The following KIRREL3 variants were observed in gnomAD, a reference collection of about 807,000 sequenced individuals.
KIRREL3 encodes kirre like nephrin family adhesion molecule 3.
In KIRREL3, 36 loss-of-function variants were observed where a neutral mutation model predicts 89.7. The ratio of observed to expected loss-of-function variants is 0.40; its 90% CI spans 0.31 to 0.53. KIRREL3 has a LOEUF of 0.53. Ranked by LOEUF, KIRREL3 falls within the 20% of genes least tolerant of loss-of-function variation. The pLI is 0.49. For synonymous variants in KIRREL3, 445 were observed against 441.4 expected, an observed-to-expected ratio of 1.01 and a Z score of -0.10; for missense variants, 864 against 1,056.6, an observed-to-expected ratio of 0.82 and a Z score of 2.53.
chr11:126,815,770 C>G (rs1241539356), intron 1 of KIRREL3, among the ~76,000 whole-genome samples: 1 of 152,112 alleles, frequency 6.6e-6, no homozygotes, highest in Non-Finnish European at 1.5e-5. Context: ...CTCCTGACCT[C>G]GTGATCTGCC....
At chr11:126,577,046 G>A (rs1941289886) in intron 1 of KIRREL3, among the ~76,000 whole-genome samples, 1 of 152,184 alleles carries the variant, frequency 6.6e-6, no homozygotes, top group Admixed American at 6.5e-5. Context: ...CTCAACCTCT[G>A]GGTGGGGGAT....
rs74948540 is a variant in KIRREL3 at position 126,947,323 on chromosome 11, T to C, written c.55+53132A>G. 5.1e-3 allele frequency among the ~76,000 whole-genome samples: 782 copies of C among 152,302 alleles called. 9 individuals carry two copies. Among genetic ancestry groups the C allele is most frequent in the African/African-American group, 0.018 (756 of 41,568 alleles). ...ACCTCTCCTATAACTCTGCAAAAGA[T>C]CTGTGAATTGGCTAAGCTGAAGGAC... On this transcript the variant is annotated intron_variant, in intron 1 of 16. Coordinates refer to ENST00000525144, the MANE Select transcript of KIRREL3 (RefSeq NM_032531.4).
chr11:126,889,473 A>G (rs562279132), intron 1 of KIRREL3, among the ~76,000 whole-genome samples: 21 of 152,266 alleles, frequency 1.4e-4, no homozygotes, highest in East Asian at 5.8e-4. Context: ...TTGATGTCCA[A>G]TGATTTTTTA....
At chr11:126,836,807 C>A (rs893447636) in intron 1 of KIRREL3, among the ~76,000 whole-genome samples, 1 of 152,196 alleles carries the variant, frequency 6.6e-6, no homozygotes, top group African/African-American at 2.4e-5. Context: ...CTCCAGGAAG[C>A]TTTCCCTGAA....
At chr11:126,857,782 T>TGTG (rs11283324) in intron 1 of KIRREL3, among the ~76,000 whole-genome samples, 28 of 120,034 alleles carry the variant, frequency 2.3e-4, no homozygotes, top group Non-Finnish European at 3.3e-4. Context: ...CTTCAGGCTG[T>TGTG]GGGGGTGGGG....
rs746972009 is a variant in KIRREL3, at chr11:126,843,566, G to A, written c.55+156889C>T. Among the ~76,000 whole-genome samples the A allele has an allele frequency of 3.3e-5, 5 of 152,124 alleles. No individual in the cohort carries two copies. Among genetic ancestry groups the A allele is most frequent in the African/African-American group, 7.2e-5 (3 of 41,414 alleles). On this transcript the variant is annotated intron_variant, in intron 1 of 16. Coordinates refer to ENST00000525144, the MANE Select transcript of KIRREL3 (RefSeq NM_032531.4). The surrounding 1 kb of genome is among the most constrained non-coding windows in gnomAD (Gnocchi z 4.6). The stretch of plus-strand genomic sequence containing the variant: ...ATGCCTAAGCGATAACTGGAGTCCC[G>A]ACGGCTAGTGAGTGGGACCGTCAGA...
Position 126,866,768 on chromosome 11 carries a change from C to T in KIRREL3, c.55+133687G>A, listed in dbSNP as rs563652882. 7.9e-5 allele frequency among the ~76,000 whole-genome samples: 12 copies of T among 152,236 alleles called. No individual in the cohort carries two copies. In the East Asian group the frequency reaches 1.7e-3, roughly 22 times the overall value. Reference sequence around the variant, plus strand: ...GCCATCAACGGCAGGACGAGAATGACGCAGACGCGAGGAGAATTTATTTGG... The same window carrying T: ...GCCATCAACGGCAGGACGAGAATGATGCAGACGCGAGGAGAATTTATTTGG... On this transcript the variant is annotated intron_variant, in intron 1 of 16. Transcript: ENST00000525144.
rs1449163396 is a variant in KIRREL3 at position 126,677,044 on chromosome 11, T to C, written c.56-114132A>G. 6.6e-6 allele frequency among the ~76,000 whole-genome samples: 1 copy of C among 151,612 alleles called. No homozygotes were observed. Among genetic ancestry groups the C allele is most frequent in the Admixed American group, 6.6e-5 (1 of 15,224 alleles). Reference sequence around the variant, plus strand: ...CTCAAGTGATCCTCCCGCCTTGGCCTCTCAAAGATTTTTTTTTTTTAACAG... The same window carrying C: ...CTCAAGTGATCCTCCCGCCTTGGCCCCTCAAAGATTTTTTTTTTTTAACAG... On this transcript the variant is annotated intron_variant, in intron 1 of 16. Coordinates refer to ENST00000525144, the MANE Select transcript of KIRREL3 (RefSeq NM_032531.4). The surrounding 1 kb of genome is among the most constrained non-coding windows in gnomAD (Gnocchi z 5.1).
At chr11:126,911,687 G>A (rs1233871170) in intron 1 of KIRREL3, among the ~76,000 whole-genome samples, 1 of 152,066 alleles carries the variant, frequency 6.6e-6, no homozygotes, top group Non-Finnish European at 1.5e-5. Context: ...GGTGGGATGT[G>A]TCCATAAGAA....
intron 5 of KIRREL3, among the ~76,000 whole-genome samples, chr11:126,472,932 C>CT (rs1242522722): frequency 1.6e-5 from 2 of 122,406 alleles, no homozygotes; most frequent in East Asian, 3.0e-4. Flanking sequence ...CCCCATTATC[C>CT]CCCCTCTACC....
At chr11:126,923,205 T>TCC (rs1565423445) in intron 1 of KIRREL3, among the ~76,000 whole-genome samples, 153 of 10,928 alleles carry the variant, frequency 0.014, 43 homozygotes, top group Non-Finnish European at 0.018. Flanking sequence ...CTTCTTCTTC[T>TCC]TCTTCTTCTT....
chr11:126,517,311 C>A (rs1958448931), intron 4 of KIRREL3, among the ~76,000 whole-genome samples: 1 of 152,196 alleles, frequency 6.6e-6, no homozygotes. Context: ...CCAGTTCCAG[C>A]CTTAAGGACC....
At chr11:126,756,584 C>T (rs1949510264) in intron 1 of KIRREL3, among the ~76,000 whole-genome samples, 1 of 152,256 alleles carries the variant, frequency 6.6e-6, no homozygotes, top group Non-Finnish European at 1.5e-5. Context: ...TCTCACATCC[C>T]TGGAAGAGAG....
chr11:126,715,804 A>G lies in KIRREL3; in HGVS notation c.56-152892T>C, dbSNP rs1947933057. Among the ~76,000 whole-genome samples, 1 of 152,228 alleles carries G rather than the reference A, an allele frequency of 6.6e-6. No homozygotes were observed. Among genetic ancestry groups the G allele is most frequent in the African/African-American group, 2.4e-5 (1 of 41,462 alleles). ...TGTTCAAACACCATCCACGATGAACACGGTTGCAGAGAGGCCAGTGTTCCA... is the reference window on the plus strand; with the variant it reads ...TGTTCAAACACCATCCACGATGAACGCGGTTGCAGAGAGGCCAGTGTTCCA... On this transcript the variant is annotated intron_variant, in intron 1 of 16. Coordinates refer to ENST00000525144, the MANE Select transcript of KIRREL3 (RefSeq NM_032531.4). The surrounding 1 kb of genome is among the most constrained non-coding windows in gnomAD (Gnocchi z 4.4).
chr11:126,871,489 A>AAGG (rs1945107535), intron 1 of KIRREL3, among the ~76,000 whole-genome samples: 1 of 152,212 alleles, frequency 6.6e-6, no homozygotes, highest in African/African-American at 2.4e-5. Flanking sequence ...ACAAGAAAGA[A>AAGG]AGGAAGAAAA....
intron 1 of KIRREL3, among the ~76,000 whole-genome samples, chr11:126,757,102 C>G (rs1166455233): frequency 1.3e-5 from 2 of 152,156 alleles, no homozygotes; most frequent in Non-Finnish European, 2.9e-5. Flanking sequence ...AGTTCTGGGG[C>G]AAGCTGTGAA....
In KIRREL3 at chr11:126,764,452, G is replaced by A. The variant is rs997281869; in HGVS notation, c.56-201540C>T. 3.9e-5 allele frequency among the ~76,000 whole-genome samples: 6 copies of A among 152,140 alleles called. No homozygotes were observed. Among genetic ancestry groups the A allele is most frequent in the Non-Finnish European group, 8.8e-5 (6 of 68,038 alleles). On this transcript the variant is annotated intron_variant, in intron 1 of 16. Coordinates refer to ENST00000525144, the MANE Select transcript of KIRREL3 (RefSeq NM_032531.4). This position sits in a 1 kb window ranked among gnomAD's most constrained non-coding sequence, Gnocchi z 4.2. ...GGCTGTGTGGTTCAAGATCAACTTC[G>A]CAGAGAAACACCGTTTCCAGAAGCA...
chr11:126,573,925 C>T (rs1178219458), intron 1 of KIRREL3, among the ~76,000 whole-genome samples: 1 of 152,158 alleles, frequency 6.6e-6, no homozygotes, highest in Non-Finnish European at 1.5e-5. Context: ...GAAGTTTTGT[C>T]TGCCTGCCAG....
rs914224891 is a variant in KIRREL3 at position 126,498,656 on chromosome 11, C to A, written c.433+22659G>T. ...GGGCCCGTGACCTGGCACCCTGTGA[C>A]GACAAGCAGAGGAGACTCAGTGATG... On this transcript the variant is annotated intron_variant, in intron 4 of 16. Transcript: ENST00000525144. This position sits in a 1 kb window ranked among gnomAD's most constrained non-coding sequence, Gnocchi z 4.3. Among the ~76,000 whole-genome samples, 1 of 152,146 alleles carries A rather than the reference C, an allele frequency of 6.6e-6. No homozygotes were observed. Among genetic ancestry groups the A allele is most frequent in the Non-Finnish European group, 1.5e-5 (1 of 68,020 alleles).
Sources: allele counts gnomAD v4.1 joint callset (sites outside exome capture counted in the v4.1 genomes callset), GRCh38; gene constraint gnomAD v4.1.1; non-coding constraint Gnocchi (gnomAD v3.1); transcripts MANE v1.5; gene names NCBI Gene and HGNC (gene_info 2026-07-23, HGNC 2026-07-21).